Variants in PRKAR1A observed in about 807,000 individuals in gnomAD.
PRKAR1A encodes the protein protein kinase cAMP-dependent type I regulatory subunit alpha, also known as cAMP-dependent protein kinase type I-alpha regulatory subunit.
PRKAR1A carries 3 observed loss-of-function variants against 52.0 expected under a neutral mutation model. The ratio of observed to expected loss-of-function variants is 0.06; its 90% CI spans 0.03 to 0.15. The LOEUF (loss-of-function observed/expected upper bound fraction) is 0.15. Ranked by LOEUF, PRKAR1A falls within the 10% of genes least tolerant of loss-of-function variation. The probability of loss-of-function intolerance (pLI) is 1.00; values close to 1 mark genes in which losing one functional copy is unlikely to be tolerated. For missense variants in PRKAR1A, 240 were observed against 477.4 expected, an observed-to-expected ratio of 0.50 and a Z score of 4.63; for synonymous variants, 188 against 168.4, an observed-to-expected ratio of 1.12 and a Z score of -0.90.
intron 2 of PRKAR1A, among the ~76,000 whole-genome samples, chr17:68,521,438 C>T (rs2085605582): frequency 6.6e-6 from 1 of 152,190 alleles, no homozygotes; most frequent in South Asian, 2.1e-4. Flanking sequence ...ACAATGTTGC[C>T]TAGGCGGGTC....
At chr17:68,538,754 T>C (rs894827883) in intron 11 of PRKAR1A, among the ~76,000 whole-genome samples, 1 of 152,214 alleles carries the variant, frequency 6.6e-6, no homozygotes, top group Non-Finnish European at 1.5e-5. Context: ...AATAGGTGAT[T>C]ATCTGAGTGG....
chr17:68,459,967 C>T, the PRKAR1A span, among the ~76,000 whole-genome samples: 2 of 151,702 alleles, frequency 1.3e-5, no homozygotes, highest in Non-Finnish European at 2.9e-5. Flanking sequence ...ACTTCAGGCC[C>T]CCGCCACCAT....
chr17:68,451,620 C>T, the PRKAR1A span, among the ~76,000 whole-genome samples: 2 of 152,152 alleles, frequency 1.3e-5, no homozygotes, highest in Admixed American at 6.5e-5. Context: ...ATTTCAAAGG[C>T]GTGACTTCTC....
At chr17:68,527,812 A>T (rs2085837649) in intron 7 of PRKAR1A, 28 bp from the exon 8 acceptor site, 1 of 1,553,100 alleles carries the variant, frequency 6.4e-7, no homozygotes, top group South Asian at 1.1e-5. Context: ...CGTCTTGGGG[A>T]TATCACTTTT....
the PRKAR1A span, among the ~76,000 whole-genome samples, chr17:68,471,334 T>A: frequency 6.6e-6 from 1 of 152,194 alleles, no homozygotes; most frequent in Non-Finnish European, 1.5e-5. Context: ...GTATTTAAAA[T>A]GTATATATGA....
At position 68,529,915 on chromosome 17, in the gene PRKAR1A, T is replaced by C. The variant is rs1181021204; in HGVS notation, c.892-5T>C. ...TTGTTTAGCTTTTTGGTGATTTTAT[T>C]ATAGGGGTCAGCTGCTGTGCTACAA... On this transcript the variant is annotated splice_polypyrimidine_tract_variant and splice_region_variant and intron_variant, in intron 9 of 10. Coordinates refer to ENST00000589228, the MANE Select transcript of PRKAR1A (RefSeq NM_002734.5). 1.2e-6 allele frequency: 2 copies of C among 1,613,926 alleles called. No homozygotes were observed. The highest frequency in any genetic ancestry group is 1.7e-5 in the Admixed American group (1 of 60,010).
At chr17:68,420,237 AG>A in the PRKAR1A span, 16 of 1,614,078 alleles carry the variant, frequency 9.9e-6, no homozygotes, top group Non-Finnish European at 1.3e-5. Context: ...CTGCAGCATA[AG>A]TTTCCTCTGA....
At chr17:68,441,308 C>G in the PRKAR1A span, among the ~76,000 whole-genome samples, 64 of 152,318 alleles carry the variant, frequency 4.2e-4, 1 homozygote, top group African/African-American at 1.5e-3. Context: ...TTTACAGCTG[C>G]GTTAGATACC....
intron 8 of PRKAR1A, 43 bp downstream of exon 8, chr17:68,527,943 C>G (rs781732307): frequency 6.0e-6 from 9 of 1,501,512 alleles, no homozygotes; most frequent in Non-Finnish European, 8.3e-6. Context: ...TGTGAGATAC[C>G]CCTGAATTAG....
At chr17:68,469,914 C>T in the PRKAR1A span, among the ~76,000 whole-genome samples, 3 of 152,024 alleles carry the variant, frequency 2.0e-5, no homozygotes, top group African/African-American at 7.2e-5. Context: ...ACAGAGGCAT[C>T]GTTTTTTGTT....
At chr17:68,484,454 G>T in the PRKAR1A span, among the ~76,000 whole-genome samples, 1 of 129,152 alleles carries the variant, frequency 7.7e-6, no homozygotes, top group African/African-American at 2.9e-5. Context: ...ACTTATCGTG[G>T]TATCTTTTTT....
chr17:68,478,731 TTG>T, the PRKAR1A span, among the ~76,000 whole-genome samples: 16,606 of 102,730 alleles, frequency 0.16, 1,003 homozygotes, highest in Middle Eastern at 0.22. Context: ...TTGGACAGTT[TTG>T]TTTTTTTTTT....
At chr17:68,438,875 C>G in the PRKAR1A span, among the ~76,000 whole-genome samples, 1 of 152,248 alleles carries the variant, frequency 6.6e-6, no homozygotes, top group East Asian at 1.9e-4. Flanking sequence ...GCTGGGATTA[C>G]AGGCGTGAGC....
the PRKAR1A span, among the ~76,000 whole-genome samples, chr17:68,450,235 C>T: frequency 1.3e-5 from 2 of 152,202 alleles, no homozygotes; most frequent in African/African-American, 4.8e-5. Context: ...AATAGCAGAC[C>T]TTCCAGGAGA....
At chr17:68,426,254 G>GGGGCCCCCCCCCCCCC in the PRKAR1A span, 2 of 816,908 alleles carry the variant, frequency 2.4e-6, no homozygotes, top group Non-Finnish European at 1.9e-6. Flanking sequence ...GGGAGCGGGG[G>GGGGCCCCCCCCCCCCC]CTCAAATAAA....
At chr17:68,421,632 C>T in the PRKAR1A span, 1 of 1,187,026 alleles carries the variant, frequency 8.4e-7, no homozygotes, top group Non-Finnish European at 1.2e-6. Flanking sequence ...TTAACCAGGT[C>T]CTGTGGTTTA....
At chr17:68,426,254 G>GGGGGGGGGGGGGGGGGGGGGT in the PRKAR1A span, 1 of 816,924 alleles carries the variant, frequency 1.2e-6, no homozygotes, top group Non-Finnish European at 1.9e-6. Flanking sequence ...GGGAGCGGGG[G>GGGGGGGGGGGGGGGGGGGGGT]CTCAAATAAA....
At chr17:68,516,470 A>C (rs1442734523) in intron 2 of PRKAR1A, among the ~76,000 whole-genome samples, 1 of 152,152 alleles carries the variant, frequency 6.6e-6, no homozygotes, top group Non-Finnish European at 1.5e-5. Context: ...GAAATGAATC[A>C]TATACCAAAA....
upstream of PRKAR1A, among the ~76,000 whole-genome samples, chr17:68,510,159 C>CAGAGAGAGAGAGAGAGG (rs373514373): frequency 1.5e-3 from 193 of 127,630 alleles, 2 homozygotes; most frequent in African/African-American, 5.3e-3. Context: ...TATATGTAGA[C>CAGAGAGAGAGAGAGAGG]AGAGAGAGAG....
Sources: gnomAD v4.1 joint callset for allele counts (sites outside exome capture counted in the v4.1 genomes callset) on GRCh38, gnomAD v4.1.1 for gene constraint, MANE v1.5 for transcripts, NCBI Gene and HGNC (gene_info 2026-07-23, HGNC 2026-07-21) for gene names.